STXBP4: variants seen among roughly 807,000 people sequenced by gnomAD.
STXBP4 encodes syntaxin binding protein 4.
A neutral mutation model predicts 76.1 loss-of-function variants in STXBP4; 55 were observed. The ratio of observed to expected loss-of-function variants is 0.72; its 90% CI spans 0.58 to 0.91. The LOEUF is 0.91. Among genes scored for constraint, STXBP4 ranks in the 40% least tolerant of loss-of-function variants. STXBP4 has a pLI of 0.00. For synonymous variants in STXBP4, 201 were observed against 220.2 expected (o/e 0.91, Z 0.77); for missense variants, 618 against 636.9 (o/e 0.97, Z 0.32).
rs1226970566 is a variant in STXBP4 at position 55,164,872 on chromosome 17, C to A, written c.*4961C>A. 1 of 152,388 alleles carries A rather than the reference C, an allele frequency of 6.6e-6. No homozygotes were observed. Among genetic ancestry groups the A allele is most frequent in the Non-Finnish European group, 1.5e-5 (1 of 68,046 alleles). 9.4% of individuals were successfully genotyped at this position (152,388 alleles called of 1,614,324 possible). On this transcript the variant is annotated 3_prime_UTR_variant, in exon 18 of 18. Transcript: ENST00000376352. Reference sequence around the variant, plus strand: ...GGCAGGGATTTTGTCTTCTTGTATTCATTTACTCACTTACACACTTACCGA... The same window carrying A: ...GGCAGGGATTTTGTCTTCTTGTATTAATTTACTCACTTACACACTTACCGA...
chr17:55,044,661 A>G (rs1014685559), intron 11 of STXBP4: 1 of 152,082 alleles, frequency 6.6e-6, no homozygotes, highest in Non-Finnish European at 1.5e-5. Context: ...AACAAAAATA[A>G]ATAAATATAT....
chr17:55,136,013 A>G (rs1293421234), intron 16 of STXBP4, among the ~76,000 whole-genome samples: 1 of 152,194 alleles, frequency 6.6e-6, no homozygotes, highest in African/African-American at 2.4e-5. Flanking sequence ...CAGTGTGACA[A>G]TGGACAAGTT....
At chr17:55,095,403 A>G (rs1159707611) in intron 16 of STXBP4, among the ~76,000 whole-genome samples, 1 of 152,152 alleles carries the variant, frequency 6.6e-6, no homozygotes, top group African/African-American at 2.4e-5. Flanking sequence ...AGGCCTGAAA[A>G]TCTCCTCTTC....
In STXBP4 at chr17:55,161,541, C is replaced by G. The variant is rs1221382076; in HGVS notation, c.*1630C>G. ...GCTTGAAGAGTTTTCTAATTCGTTT[C>G]TAGTGAGCAAAACAAAGAAGGTGCT... On this transcript the variant is annotated 3_prime_UTR_variant, in exon 18 of 18. Coordinates refer to ENST00000376352, the MANE Select transcript of STXBP4 (RefSeq NM_178509.6). 6.6e-6 allele frequency: 1 copy of G among 152,124 alleles called. No individual in the cohort carries two copies. The highest frequency in any genetic ancestry group is 1.5e-5 in the Non-Finnish European group (1 of 68,024). The allele number at this position is 152,124 out of a possible 1,614,324, so 9.4% of individuals were successfully genotyped here. A position where few individuals can be genotyped will look rare whatever the true frequency, so the allele number is the denominator to read the frequency against.
At chr17:55,031,439 C>T (rs2078508061) in intron 9 of STXBP4, among the ~76,000 whole-genome samples, 175 bp downstream of exon 9, 2 of 145,218 alleles carry the variant, frequency 1.4e-5, no homozygotes, top group Admixed American at 1.3e-4. Flanking sequence ...ACTGACCTGG[C>T]AGGGTCAGCA....
chr17:55,152,071 C>CA (rs1167634661), intron 17 of STXBP4, among the ~76,000 whole-genome samples: 2 of 152,178 alleles, frequency 1.3e-5, no homozygotes, highest in African/African-American at 2.4e-5. Flanking sequence ...TAGGACAGTA[C>CA]ACTGGATTAC....
the STXBP4 span, among the ~76,000 whole-genome samples, chr17:55,200,324 T>C: frequency 6.6e-6 from 1 of 152,196 alleles, no homozygotes; most frequent in East Asian, 1.9e-4. Flanking sequence ...ACAGACATCA[T>C]TCTCTTCTCA....
chr17:55,088,470 A>G (rs1255966458), intron 16 of STXBP4, among the ~76,000 whole-genome samples: 2 of 152,292 alleles, frequency 1.3e-5, no homozygotes, highest in African/African-American at 4.8e-5. Flanking sequence ...ATCCTGGCTC[A>G]CCACAAACTC....
intron 15 of STXBP4, 35 bp from the exon 16 acceptor site, chr17:55,081,014 TG>T: frequency 7.1e-7 from 1 of 1,399,420 alleles, no homozygotes; most frequent in Non-Finnish European, 9.3e-7. Context: ...TTGTTTATTG[TG>T]TAGTAAGTTC....
At chr17:55,127,874 T>C (rs1251141378) in intron 16 of STXBP4, among the ~76,000 whole-genome samples, 1 of 152,202 alleles carries the variant, frequency 6.6e-6, no homozygotes, top group Non-Finnish European at 1.5e-5. Flanking sequence ...CAACAAATGC[T>C]ACATGATTAG....
intron 16 of STXBP4, among the ~76,000 whole-genome samples, chr17:55,128,906 C>T (rs1156789013): frequency 6.8e-6 from 1 of 146,584 alleles, no homozygotes; most frequent in East Asian, 2.1e-4. Flanking sequence ...TGAGCCACTG[C>T]GTCCAGCCTG....
intron 16 of STXBP4, among the ~76,000 whole-genome samples, chr17:55,113,965 T>A (rs746237881): frequency 6.6e-6 from 1 of 152,122 alleles, no homozygotes; most frequent in Non-Finnish European, 1.5e-5. Context: ...TCTTAACTTC[T>A]CTGTACCTCA....
intron 10 of STXBP4, among the ~76,000 whole-genome samples, chr17:55,036,223 T>A (rs1194091050): frequency 6.6e-6 from 1 of 152,010 alleles, no homozygotes; most frequent in East Asian, 1.9e-4. Flanking sequence ...TCTTATCTTG[T>A]CCATATGAGT....
chr17:55,113,070 G>A (rs1226135922), intron 16 of STXBP4, among the ~76,000 whole-genome samples: 1 of 152,016 alleles, frequency 6.6e-6, no homozygotes, highest in African/African-American at 2.4e-5. Context: ...GATTCATATG[G>A]CATTTCAGTA....
At chr17:55,051,211 C>T (rs1598266873) in intron 12 of STXBP4, among the ~76,000 whole-genome samples, 1 of 151,566 alleles carries the variant, frequency 6.6e-6, no homozygotes, top group East Asian at 1.9e-4. Flanking sequence ...TCTACTCATT[C>T]GAAAAATATA....
intron 17 of STXBP4, among the ~76,000 whole-genome samples, chr17:55,142,593 TAGCCATC>T (rs2080106417): frequency 6.6e-6 from 1 of 151,938 alleles, no homozygotes; most frequent in Admixed American, 6.6e-5. Flanking sequence ...GCCCAATAAA[TAGCCATC>T]ATGAATTTAC....
chr17:55,054,063 G>C (rs912764551), intron 12 of STXBP4, among the ~76,000 whole-genome samples: 1 of 152,070 alleles, frequency 6.6e-6, no homozygotes, highest in Non-Finnish European at 1.5e-5. Context: ...GAAAGGATTA[G>C]TTTCTGTTAT....
At position 55,107,831 on chromosome 17, in the gene STXBP4, C is replaced by G. The variant is rs888114625; in HGVS notation, c.1489+26648C>G. ...GGTACCTGCCAGATGCCAGCAGGAG[C>G]TCTCCTGTATGAGGTGTCTGTTGAC... On this transcript the variant is annotated intron_variant, in intron 16 of 17. Transcript: ENST00000376352. Among the ~76,000 whole-genome samples the G allele has an allele frequency of 3.9e-5, 6 of 152,214 alleles. 1 individual carries two copies. Among genetic ancestry groups the G allele is most frequent in the Admixed American group, 2.0e-4 (3 of 15,280 alleles).
At position 55,039,837 on chromosome 17, in the gene STXBP4, A is replaced by G. The variant is rs969720854; in HGVS notation, c.856-3399A>G. Among the ~76,000 whole-genome samples, 11 of 152,216 alleles carry G rather than the reference A, an allele frequency of 7.2e-5. No individual in the cohort carries two copies. In the East Asian group the frequency reaches 1.9e-3, roughly 27 times the overall value. ...GGGAAATAAGGAGAAAGCCTTTTTC[A>G]AAGTAGAGACCATGACAGATTGTGT... On this transcript the variant is annotated intron_variant, in intron 10 of 17. Transcript: ENST00000376352.
Sources: gnomAD v4.1 joint callset for allele counts (sites outside exome capture counted in the v4.1 genomes callset) on GRCh38, gnomAD v4.1.1 for gene constraint, MANE v1.5 for transcripts, NCBI Gene and HGNC (gene_info 2026-07-23, HGNC 2026-07-21) for gene names.